The following FRAS1 variants were observed in gnomAD, a reference collection of about 807,000 sequenced individuals.
FRAS1 encodes the protein extracellular matrix organizing protein FRAS1.
In FRAS1, 290 loss-of-function variants were observed where a neutral mutation model predicts 435.2. The observed-to-expected ratio is 0.67, with a 90% CI of 0.61 to 0.73. The LOEUF is 0.73. FRAS1 is among the 30% of genes least tolerant of loss of function. FRAS1 has a pLI of 0.00. For synonymous variants in FRAS1, 1,800 were observed against 1,851.0 expected (o/e 0.97, Z 0.71); for missense variants, 4,860 against 5,001.5 (o/e 0.97, Z 0.85).
rs775845605 is a variant in FRAS1 at position 78,499,726 on chromosome 4, A to T, written c.9121A>T (p.Thr3041Ser). Residue 3041 changes from threonine (T) to serine (S), a missense_variant, in exon 61 of 74, where the codon ACC becomes TCC. By Grantham distance (58) the Thr-to-Ser change is moderately conservative (BLOSUM62 1). Coordinates refer to ENST00000512123, the MANE Select transcript of FRAS1 (RefSeq NM_025074.7). ...TCCTAACCATATTTCCTTAGCCCCC[A>T]CCATTGAGTTTGAAGAAGCTGCATA... Reference protein sequence around the residue: ...ITISNDEDAPTIEFEEAAYQV... With the variant: ...ITISNDEDAPSIEFEEAAYQV... 6.2e-7 allele frequency: 1 copy of T among 1,613,576 alleles called. No individual in the cohort carries two copies. The highest frequency in any genetic ancestry group is 1.1e-5 in the South Asian group (1 of 91,054).
chr4:78,403,805 G>A (rs1050325566), intron 30 of FRAS1, among the ~76,000 whole-genome samples: 7 of 152,124 alleles, frequency 4.6e-5, no homozygotes, highest in African/African-American at 1.7e-4. Context: ...TCATAGCTTA[G>A]CCTAGCCTAC....
intron 20 of FRAS1, among the ~76,000 whole-genome samples, chr4:78,344,575 G>C (rs974827136): frequency 6.8e-6 from 1 of 146,178 alleles, no homozygotes; most frequent in African/African-American, 2.6e-5. Flanking sequence ...CACAATCGGG[G>C]CTCAAGAATG....
chr4:78,260,940 G>A (rs964547250), intron 6 of FRAS1, among the ~76,000 whole-genome samples: 2 of 152,110 alleles, frequency 1.3e-5, no homozygotes, highest in Non-Finnish European at 2.9e-5. Context: ...CTTTTAGACT[G>A]TATTCCAGTT....
chr4:78,099,879 A>G (rs562851290), intron 2 of FRAS1, among the ~76,000 whole-genome samples: 1 of 152,304 alleles, frequency 6.6e-6, no homozygotes, highest in Admixed American at 6.5e-5. Context: ...GTAGTGTAGC[A>G]TTGTAGTCAC....
intron 32 of FRAS1, among the ~76,000 whole-genome samples, chr4:78,416,960 G>T (rs1733578790): frequency 6.6e-6 from 1 of 152,048 alleles, no homozygotes. Context: ...ATTATGAAAA[G>T]AATTATTCTG....
At chr4:78,095,303 C>T (rs1346605964) in intron 2 of FRAS1, among the ~76,000 whole-genome samples, 2 of 152,180 alleles carry the variant, frequency 1.3e-5, no homozygotes, top group African/African-American at 4.8e-5. Flanking sequence ...ACATTGACAG[C>T]TCTAAAAGTT....
rs1257994561 is a variant in FRAS1 at position 78,354,049 on chromosome 4, C to T, written c.2423-9464C>T. Among the ~76,000 whole-genome samples the T allele has an allele frequency of 1.4e-5, 2 of 140,652 alleles. 1 individual carries two copies. The highest frequency in any genetic ancestry group is 3.1e-5 in the Non-Finnish European group (2 of 63,934). 92.3% of individuals were successfully genotyped at this position (140,652 alleles called of 152,430 possible). ...AAAAAAAAAAAAAAAAAAAAAGCTT[C>T]AAGATACATGGTAAGAGTGATGCTC... On this transcript the variant is annotated intron_variant, in intron 20 of 73. Transcript: ENST00000512123.
At chr4:78,169,339 C>T (rs1259342667) in intron 2 of FRAS1, among the ~76,000 whole-genome samples, 2 of 152,054 alleles carry the variant, frequency 1.3e-5, no homozygotes, top group Admixed American at 1.3e-4. Context: ...AATTATGGCT[C>T]ATGGAGTTCA....
chr4:78,287,766 C>T (rs937556470), intron 14 of FRAS1, among the ~76,000 whole-genome samples: 3 of 152,128 alleles, frequency 2.0e-5, no homozygotes, highest in Admixed American at 6.5e-5. Flanking sequence ...ATGGTCGTCT[C>T]CATTCCAGGT....
chr4:78,231,164 CCAG>C, intron 2 of FRAS1, among the ~76,000 whole-genome samples: 1 of 152,042 alleles, frequency 6.6e-6, no homozygotes, highest in Non-Finnish European at 1.5e-5. Context: ...ACCATGTTGG[CCAG>C]GCTGGTCTCA....
chr4:78,539,055 G>T (rs992192645), intron 72 of FRAS1, among the ~76,000 whole-genome samples: 1 of 151,898 alleles, frequency 6.6e-6, no homozygotes, highest in African/African-American at 2.4e-5. Context: ...TTCCTATTGG[G>T]TCCCTCCCAT....
chr4:78,474,666 G>A (rs1292409337), intron 53 of FRAS1, among the ~76,000 whole-genome samples: 1 of 152,102 alleles, frequency 6.6e-6, no homozygotes, highest in Non-Finnish European at 1.5e-5. Flanking sequence ...CCCAAAGCTG[G>A]CAATGAGGAC....
intron 20 of FRAS1, among the ~76,000 whole-genome samples, chr4:78,339,884 C>CTA (rs1433437876): frequency 6.6e-6 from 1 of 152,048 alleles, no homozygotes; most frequent in Non-Finnish European, 1.5e-5. Flanking sequence ...GGAAAATGGA[C>CTA]TAACATAAGG....
chr4:78,521,781 CT>C (rs1721394998), intron 68 of FRAS1, among the ~76,000 whole-genome samples, 151 bp downstream of exon 68: 1 of 152,126 alleles, frequency 6.6e-6, no homozygotes, highest in Admixed American at 6.5e-5. Flanking sequence ...CCATACATAT[CT>C]TTTTTTGTCA....
chr4:78,148,337 T>C (rs934458653), intron 2 of FRAS1, among the ~76,000 whole-genome samples: 1 of 152,154 alleles, frequency 6.6e-6, no homozygotes, highest in Non-Finnish European at 1.5e-5. Flanking sequence ...GTATTAACTA[T>C]TGAAGCTTGA....
intron 20 of FRAS1, among the ~76,000 whole-genome samples, chr4:78,346,338 G>A (rs1366540972): frequency 6.6e-6 from 1 of 152,192 alleles, no homozygotes; most frequent in Non-Finnish European, 1.5e-5. Context: ...TGCAAGCACA[G>A]GAAGTTGGTC....
rs1225234709 is a variant in FRAS1 at position 78,441,301 on chromosome 4, C to T, written c.5665+4C>T. On this transcript the variant is annotated splice_donor_region_variant and intron_variant, in intron 41 of 73. Transcript: ENST00000512123. ...TGCATTGAGAACACAGGAACAGGTA[C>T]TACTTCCTGTAAAACTGTTAAGGAC... 6.2e-7 allele frequency: 1 copy of T among 1,609,566 alleles called. No homozygotes were observed. The highest frequency in any genetic ancestry group is 8.5e-7 in the Non-Finnish European group (1 of 1,177,748).
At chr4:78,345,356 G>GT (rs1392208925) in intron 20 of FRAS1, among the ~76,000 whole-genome samples, 2 of 152,156 alleles carry the variant, frequency 1.3e-5, no homozygotes, top group Non-Finnish European at 2.9e-5. Flanking sequence ...CTCAAGAACT[G>GT]TTGGGTAGAA....
chr4:78,280,988 G>T (rs1045572253), intron 10 of FRAS1, among the ~76,000 whole-genome samples: 1 of 152,204 alleles, frequency 6.6e-6, no homozygotes, highest in East Asian at 1.9e-4. Flanking sequence ...CTCAATCATA[G>T]TATCAATTTT....
Sources: gnomAD v4.1 joint callset for allele counts (sites outside exome capture counted in the v4.1 genomes callset) on GRCh38, gnomAD v4.1.1 for gene constraint, MANE v1.5 for transcripts, NCBI Gene and HGNC (gene_info 2026-07-23, HGNC 2026-07-21) for gene names.